Variants in PIGL observed in about 807,000 individuals in gnomAD.
PIGL encodes phosphatidylinositol glycan anchor biosynthesis class L, also known as N-acetylglucosaminyl-phosphatidylinositol de-N-acetylase.
PIGL carries 22 observed loss-of-function variants against 31.1 expected under a neutral mutation model. That is an observed-to-expected ratio of 0.71 (90% CI 0.51 to 1.01). PIGL has a LOEUF of 1.01. PIGL is among the 50% of genes least tolerant of loss of function. The probability of loss-of-function intolerance (pLI) is 0.00; values close to 1 mark genes in which losing one functional copy is unlikely to be tolerated. For missense variants in PIGL, 302 were observed against 315.9 expected, an observed-to-expected ratio of 0.96 and a Z score of 0.33; for synonymous variants, 131 against 117.4, an observed-to-expected ratio of 1.12 and a Z score of -0.75.
intron 4 of PIGL, among the ~76,000 whole-genome samples, chr17:16,313,875 G>A (rs558767616): frequency 2.4e-4 from 37 of 152,230 alleles, no homozygotes; most frequent in African/African-American, 8.7e-4. Flanking sequence ...TGCGAATGGG[G>A]TAATTGACTT....
At chr17:16,268,839 T>C (rs781711161) in intron 2 of PIGL, among the ~76,000 whole-genome samples, 5 of 151,628 alleles carry the variant, frequency 3.3e-5, no homozygotes, top group Non-Finnish European at 7.4e-5. Flanking sequence ...TTCGGCTCAC[T>C]GTAGCCTCTG....
intron 1 of PIGL, among the ~76,000 whole-genome samples, chr17:16,221,863 C>T (rs965982658): frequency 1.3e-5 from 2 of 152,076 alleles, no homozygotes; most frequent in African/African-American, 4.8e-5. Flanking sequence ...TCGTGATTCG[C>T]CCACCTCGGC....
chr17:16,278,602 C>T (rs1338092898), intron 2 of PIGL, among the ~76,000 whole-genome samples: 1 of 152,022 alleles, frequency 6.6e-6, no homozygotes, highest in Non-Finnish European at 1.5e-5. Context: ...AATATGTTCA[C>T]ACACAGAATT....
At chr17:16,251,707 T>C (rs1373813354) in intron 2 of PIGL, among the ~76,000 whole-genome samples, 1 of 151,176 alleles carries the variant, frequency 6.6e-6, no homozygotes, top group Non-Finnish European at 1.5e-5. Flanking sequence ...GCTGCACAGA[T>C]GTTAACAGAT....
chr17:16,220,176 C>T (rs373820115), intron 1 of PIGL, among the ~76,000 whole-genome samples: 7 of 151,986 alleles, frequency 4.6e-5, no homozygotes, highest in Admixed American at 2.0e-4. Context: ...GTTGAAACCC[C>T]GTCTCTCCTA....
chr17:16,323,810 G>A (rs2093116161), intron 6 of PIGL, among the ~76,000 whole-genome samples: 1 of 148,384 alleles, frequency 6.7e-6, no homozygotes, highest in Admixed American at 6.7e-5. Flanking sequence ...GTAGAGATGG[G>A]GTTTCACTAT....
chr17:16,255,140 GAGTCTTA>G (rs2092788746), intron 2 of PIGL, among the ~76,000 whole-genome samples: 1 of 152,160 alleles, frequency 6.6e-6, no homozygotes. Flanking sequence ...ACTAATTTCT[GAGTCTTA>G]AGTGAAATTG....
At chr17:16,300,811 C>CA (rs1373599309) in intron 3 of PIGL, among the ~76,000 whole-genome samples, 1 of 151,962 alleles carries the variant, frequency 6.6e-6, no homozygotes, top group Non-Finnish European at 1.5e-5. Context: ...TTCTTCATTC[C>CA]AAAAAACATG....
chr17:16,233,903 ATGAG>A, intron 1 of PIGL, 64 bp from the exon 2 acceptor site: 1 of 778,624 alleles, frequency 1.3e-6, no homozygotes, highest in Non-Finnish European at 2.2e-6. Context: ...CAGGATAAGA[ATGAG>A]TGAATAGATA....
chr17:16,241,170 T>C (rs898636310), intron 2 of PIGL, among the ~76,000 whole-genome samples: 3 of 148,656 alleles, frequency 2.0e-5, no homozygotes, highest in Admixed American at 6.7e-5. Context: ...AAAAGAAATT[T>C]GGGATAATGG....
At chr17:16,318,365 G>C (rs1009460404) in intron 6 of PIGL, among the ~76,000 whole-genome samples, 1 of 151,516 alleles carries the variant, frequency 6.6e-6, no homozygotes, top group Admixed American at 6.6e-5. Context: ...CCGCCTCCTG[G>C]GTTCAAGTGA....
intron 5 of PIGL, chr17:16,317,542 AG>A: frequency 7.9e-7 from 1 of 1,258,778 alleles, no homozygotes; most frequent in Non-Finnish European, 1.0e-6. Flanking sequence ...TTTTTCTGGT[AG>A]GGCACACCGC....
At chr17:16,271,809 C>T (rs917586440) in intron 2 of PIGL, among the ~76,000 whole-genome samples, 1 of 152,164 alleles carries the variant, frequency 6.6e-6, no homozygotes, top group African/African-American at 2.4e-5. Flanking sequence ...GGATTACAGG[C>T]GTGAACCACT....
intron 2 of PIGL, among the ~76,000 whole-genome samples, chr17:16,249,103 G>C (rs1045583581): frequency 6.6e-5 from 10 of 152,138 alleles, no homozygotes; most frequent in African/African-American, 2.4e-4. Flanking sequence ...TGCTTTCTGT[G>C]GTTTCGGTTA....
chr17:16,299,941 T>G lies in PIGL; in HGVS notation c.389T>G (p.Val130Gly). 1 of 1,613,916 alleles carries G rather than the reference T, an allele frequency of 6.2e-7. No homozygotes were observed. The highest frequency in any genetic ancestry group is 8.5e-7 in the Non-Finnish European group (1 of 1,179,914). Reference protein sequence around the residue: ...MQWDTEHVARVLLQHIEVNGI... With the variant: ...MQWDTEHVARGLLQHIEVNGI... ...TGGGACACAGAGCACGTGGCCAGAG[T>G]CCTCCTTCAGCACATAGAAGTGAAT... The change falls in exon 3 of 7, where the codon GTC (valine) becomes GGC (glycine). Residue 130 changes from valine (V) to glycine (G), a missense_variant. By Grantham distance (109) the Val-to-Gly change is moderately radical (BLOSUM62 -3). Coordinates refer to ENST00000225609, the MANE Select transcript of PIGL (RefSeq NM_004278.4).
At chr17:16,264,459 T>C (rs2092833066) in intron 2 of PIGL, among the ~76,000 whole-genome samples, 1 of 152,014 alleles carries the variant, frequency 6.6e-6, no homozygotes, top group Admixed American at 6.6e-5. Flanking sequence ...ATAAATTGAC[T>C]CTTAATACCA....
rs531137204 is a variant in PIGL at position 16,300,046 on chromosome 17, A to C, written c.426+68A>C. ...CCCATTCACACCAGGTGGTTTCTGT[A>C]ATTTTTTCTGTGGCCACCCTCCCAC... On this transcript the variant is annotated intron_variant, in intron 3 of 6. Transcript: ENST00000225609. 2.3e-6 allele frequency: 3 copies of C among 1,290,672 alleles called. No homozygotes were observed. The South Asian group carries it at 3.6e-5, about 15-fold the overall frequency. 80.0% of individuals were successfully genotyped at this position (1,290,672 alleles called of 1,614,324 possible).
chr17:16,311,411 T>G (rs1160972909), intron 3 of PIGL, among the ~76,000 whole-genome samples: 2 of 142,242 alleles, frequency 1.4e-5, no homozygotes, highest in African/African-American at 5.2e-5. Context: ...TTATATAACT[T>G]GCAAAAAGCC....
intron 1 of PIGL, among the ~76,000 whole-genome samples, chr17:16,221,315 G>T (rs2092627750): frequency 6.6e-6 from 1 of 152,040 alleles, no homozygotes; most frequent in Non-Finnish European, 1.5e-5. Context: ...TCCTATAGTT[G>T]CAATATAAAA....
Sources: gnomAD v4.1 joint callset for allele counts (sites outside exome capture counted in the v4.1 genomes callset) on GRCh38, gnomAD v4.1.1 for gene constraint, MANE v1.5 for transcripts, NCBI Gene and HGNC (gene_info 2026-07-23, HGNC 2026-07-21) for gene names.